The following MYPN variants were observed in gnomAD, a reference collection of about 807,000 sequenced individuals.
MYPN encodes the protein sarcomeric protein myopalladin, 145 kDa (MYOP).
Under a neutral mutation model 129.4 loss-of-function variants are expected in MYPN, and 63 were observed. The ratio of observed to expected loss-of-function variants is 0.49; its 90% CI spans 0.40 to 0.60. MYPN has a LOEUF of 0.60. Ranked by LOEUF, MYPN falls within the 20% of genes least tolerant of loss-of-function variation. The pLI, the probability that MYPN is intolerant of heterozygous loss-of-function variation, is 0.00. For missense variants in MYPN, 1,596 were observed against 1,635.4 expected (o/e 0.98, Z 0.42); for synonymous variants, 629 against 600.9 (o/e 1.05, Z -0.68).
Position 68,122,102 on chromosome 10 carries a change from A to T in MYPN, c.664A>T (p.Asn222Tyr), listed in dbSNP as rs1356914448. The change falls in exon 2 of 20, where the codon AAT becomes TAT. Residue 222 changes from asparagine (N) to tyrosine (Y), a missense_variant. Coordinates refer to ENST00000358913, the MANE Select transcript of MYPN (RefSeq NM_032578.4). ...CCCTATCCCTGCGGATACCAGGGAT[A>T]ATGAAGTGAATCACGCCCTGGAACA... ...PIPIPADTRD[N>Y]EVNHALEQQE... 2 of 1,614,096 alleles carry T rather than the reference A, an allele frequency of 1.2e-6. No homozygotes were observed. Among genetic ancestry groups the T allele is most frequent in the Admixed American group, 1.7e-5 (1 of 60,008 alleles).
chr10:68,136,049 G>A lies in MYPN; in HGVS notation c.903-6891G>A, dbSNP rs79316877. On this transcript the variant is annotated intron_variant, in intron 2 of 19. Coordinates refer to ENST00000358913, the MANE Select transcript of MYPN (RefSeq NM_032578.4). ...TGAGTCAGAATAACATTCAAATTAC[G>A]TTTAGAAGTTGTTAATGTGCTAAAA... is the stretch of plus-strand genomic sequence containing the variant. Among the ~76,000 whole-genome samples the A allele has an allele frequency of 0.023, 3,498 of 152,128 alleles. 147 individuals are homozygous for A. The highest frequency in any genetic ancestry group is 0.08 in the African/African-American group (3,313 of 41,482).
intron 2 of MYPN, among the ~76,000 whole-genome samples, chr10:68,123,617 C>T (rs955009153): frequency 6.6e-6 from 1 of 151,180 alleles, no homozygotes; most frequent in Non-Finnish European, 1.5e-5. Context: ...ACCCGGGAGG[C>T]GGAACTTGCT....
At chr10:68,148,566 G>A in intron 5 of MYPN, 99 bp downstream of exon 5, 1 of 904,876 alleles carries the variant, frequency 1.1e-6, no homozygotes, top group Non-Finnish European at 1.9e-6. Flanking sequence ...TTTCTCAGGT[G>A]CAACTCCATC....
At chr10:68,106,626 A>C, upstream of MYPN, 1 of 704,638 alleles carries the variant, frequency 1.4e-6, no homozygotes, top group Non-Finnish European at 2.6e-6. Context: ...GCTTTGGTAT[A>C]TGTGAGTAAT....
chr10:68,201,971 C>T lies in MYPN; in HGVS notation c.3636C>T (p.Ile1212=), dbSNP rs2043722819. ...VFYWKKDNET[I]PCTRERISMH... ...ACTGGAAGAAAGACAATGAGACCATCCCTTGCACCAGAGAGAGGATCAGGT... is the reference window on the plus strand; with the variant it reads ...ACTGGAAGAAAGACAATGAGACCATTCCTTGCACCAGAGAGAGGATCAGGT... The change falls in exon 18 of 20, where the codon ATC becomes ATT. Residue 1212 remains isoleucine (I), a synonymous_variant. Transcript: ENST00000358913. 6.2e-7 allele frequency: 1 copy of T among 1,614,082 alleles called. No homozygotes were observed. Among genetic ancestry groups the T allele is most frequent in the African/African-American group, 1.3e-5 (1 of 75,026 alleles).
intron 1 of MYPN, among the ~76,000 whole-genome samples, chr10:68,092,773 C>T (rs1327726423): frequency 6.6e-6 from 1 of 152,094 alleles, no homozygotes; most frequent in East Asian, 1.9e-4. Context: ...TATATTATTT[C>T]ATTCTTATAC....
In MYPN at chr10:68,210,892, C is replaced by T. The variant is rs781324101; in HGVS notation, c.*437C>T. ...GCCAAGGAGAAAGGCGGACAGGTCA[C>T]CATCACCTTTCATCGATTACATGTA... On this transcript the variant is annotated 3_prime_UTR_variant, in exon 20 of 20. Transcript: ENST00000358913. The T allele has an allele frequency of 2.2e-6, 1 of 455,588 alleles. No homozygotes were observed. Among genetic ancestry groups the T allele is most frequent in the South Asian group, 1.6e-5 (1 of 64,478 alleles). 28.2% of individuals were successfully genotyped at this position (455,588 alleles called of 1,614,324 possible).
At chr10:68,148,523 G>C in intron 5 of MYPN, 56 bp downstream of exon 5, 13 of 1,353,980 alleles carry the variant, frequency 9.6e-6, no homozygotes, top group Non-Finnish European at 1.3e-5. Context: ...CAGTCATGGT[G>C]ACCATGACCA....
chr10:68,114,809 T>C (rs2042132207), intron 1 of MYPN, among the ~76,000 whole-genome samples: 2 of 152,244 alleles, frequency 1.3e-5, no homozygotes, highest in South Asian at 2.1e-4. Context: ...TCTATCTTGA[T>C]GTTTGATGCC....
intron 1 of MYPN, among the ~76,000 whole-genome samples, chr10:68,096,434 C>T (rs1564636515): frequency 6.6e-6 from 1 of 151,990 alleles, no homozygotes; most frequent in Non-Finnish European, 1.5e-5. Context: ...TGGTGGCAGC[C>T]GCCTGTAGTC....
At chr10:68,179,054 A>T (rs2043273466) in intron 12 of MYPN, among the ~76,000 whole-genome samples, 1 of 152,058 alleles carries the variant, frequency 6.6e-6, no homozygotes, top group African/African-American at 2.4e-5. Context: ...AAAAAAAAAT[A>T]AGTACCTCCT....
chr10:68,123,560 C>A (rs2042281943), intron 2 of MYPN, among the ~76,000 whole-genome samples: 1 of 150,762 alleles, frequency 6.6e-6, no homozygotes, highest in Non-Finnish European at 1.5e-5. Flanking sequence ...GTGGCGGGCG[C>A]CTGTAGTCCC....
In MYPN at chr10:68,189,251, T is replaced by C. The variant is rs917871701; in HGVS notation, c.2925+125T>C. The stretch of plus-strand genomic sequence containing the variant: ...TTTTTTGTATTTGTTATTGATATAG[T>C]TGTACATGTTTTAGGGTATATGCAA... On this transcript the variant is annotated intron_variant, in intron 13 of 19. Transcript: ENST00000358913. 4.1e-6 allele frequency: 3 copies of C among 730,914 alleles called. No homozygotes were observed. In the African/African-American group the frequency reaches 5.2e-5, roughly 13 times the overall value. 45.3% of individuals were successfully genotyped at this position (730,914 alleles called of 1,614,324 possible).
chr10:68,175,534 C>G (rs771263606), intron 12 of MYPN, 73 bp downstream of exon 12: 1 of 1,544,676 alleles, frequency 6.5e-7, no homozygotes, highest in Non-Finnish European at 8.9e-7. Flanking sequence ...ATTCAGTCCT[C>G]GGATACTCAG....
intron 12 of MYPN, among the ~76,000 whole-genome samples, chr10:68,177,189 G>C (rs2043240584): frequency 6.6e-6 from 1 of 152,202 alleles, no homozygotes; most frequent in African/African-American, 2.4e-5. Flanking sequence ...ATGTAAACGT[G>C]AAATTCCACA....
intron 4 of MYPN, among the ~76,000 whole-genome samples, chr10:68,147,239 C>T (rs1441617268): frequency 6.6e-6 from 1 of 152,200 alleles, no homozygotes; most frequent in Non-Finnish European, 1.5e-5. Context: ...ACTGCAACCT[C>T]TGCCACCCAG....
At chr10:68,191,370 A>T (rs537415512) in intron 13 of MYPN, among the ~76,000 whole-genome samples, 1 of 152,066 alleles carries the variant, frequency 6.6e-6, no homozygotes, top group South Asian at 2.1e-4. Flanking sequence ...GCTGTGTGCC[A>T]CTATGCCTGG....
chr10:68,095,004 T>A (rs1345438238), intron 1 of MYPN, among the ~76,000 whole-genome samples: 2 of 152,156 alleles, frequency 1.3e-5, no homozygotes, highest in Admixed American at 1.3e-4. Flanking sequence ...GAGGTTGCAG[T>A]GAGCCAAGAT....
intron 6 of MYPN, among the ~76,000 whole-genome samples, chr10:68,152,968 TTTTATTTTA>T (rs948227842): frequency 2.1e-5 from 3 of 143,936 alleles, no homozygotes; most frequent in Non-Finnish European, 1.5e-5. Flanking sequence ...TTTTATTTTA[TTTTATTTTA>T]TTTATTTTAT....
Sources: gnomAD v4.1 joint callset for allele counts (sites outside exome capture counted in the v4.1 genomes callset) on GRCh38, gnomAD v4.1.1 for gene constraint, MANE v1.5 for transcripts, NCBI Gene and HGNC (gene_info 2026-07-23, HGNC 2026-07-21) for gene names.